RBFOX3: variants seen among roughly 807,000 people sequenced by gnomAD.
The protein encoded by RBFOX3 is RNA binding protein fox-1 homolog 3.
In RBFOX3, 17 loss-of-function variants were observed where a neutral mutation model predicts 48.7. That is an observed-to-expected ratio of 0.35 (90% CI 0.24 to 0.52). RBFOX3 has a LOEUF of 0.52. Ranked by LOEUF, RBFOX3 falls within the 20% of genes least tolerant of loss-of-function variation. The pLI is 0.94. For synonymous variants in RBFOX3, 212 were observed against 209.5 expected (o/e 1.01, Z -0.10); for missense variants, 382 against 497.5 (o/e 0.77, Z 2.21).
intron 4 of RBFOX3, among the ~76,000 whole-genome samples, chr17:79,176,190 C>G (rs1948132654): frequency 6.6e-6 from 1 of 152,238 alleles, no homozygotes; most frequent in Admixed American, 6.5e-5. Context: ...ATTCCCTGAG[C>G]TGTGCAGGGA....
chr17:79,261,701 C>T (rs965618202), intron 3 of RBFOX3, among the ~76,000 whole-genome samples: 1 of 152,164 alleles, frequency 6.6e-6, no homozygotes, highest in Admixed American at 6.5e-5. Context: ...GGCGGGTGGG[C>T]GGCAGGACCC....
chr17:79,097,877 C>T (rs1346749668), intron 9 of RBFOX3, 132 bp from the exon 10 acceptor site: 2 of 896,188 alleles, frequency 2.2e-6, no homozygotes, highest in Middle Eastern at 2.2e-4. Context: ...CGCGCCGGGC[C>T]CCCCTTTCCC....
chr17:79,167,899 GCT>G (rs1048312874), intron 4 of RBFOX3, among the ~76,000 whole-genome samples: 1 of 152,296 alleles, frequency 6.6e-6, no homozygotes, highest in Admixed American at 6.5e-5. Context: ...ACCTCCAAAG[GCT>G]CTATGGATTT....
intron 2 of RBFOX3, among the ~76,000 whole-genome samples, chr17:79,313,766 A>G (rs567351348): frequency 1.1e-4 from 16 of 152,264 alleles, no homozygotes; most frequent in Middle Eastern, 3.4e-3. Context: ...GGGCAGCAGC[A>G]TCTCTGCCTC....
chr17:79,564,010 T>C (rs959542847), intron 1 of RBFOX3, among the ~76,000 whole-genome samples: 13 of 152,318 alleles, frequency 8.5e-5, no homozygotes, highest in African/African-American at 3.1e-4. Flanking sequence ...ACCCTGCACA[T>C]TTCATGGTTT....
At chr17:79,514,467 G>T (rs957568468) in intron 1 of RBFOX3, among the ~76,000 whole-genome samples, 1 of 152,236 alleles carries the variant, frequency 6.6e-6, no homozygotes, top group African/African-American at 2.4e-5. Context: ...TCACGGGTGC[G>T]TGGCCTCACA....
At chr17:79,468,602 GGATA>G (rs774709400) in intron 2 of RBFOX3, among the ~76,000 whole-genome samples, 52 of 150,970 alleles carry the variant, frequency 3.4e-4, no homozygotes, top group Non-Finnish European at 5.5e-4. Context: ...ATGGATGGAT[GGATA>G]GATAGATAGC....
At chr17:79,096,921 G>A (rs2075377542) in intron 11 of RBFOX3, 88 bp from the exon 12 acceptor site, 2 of 609,970 alleles carry the variant, frequency 3.3e-6, no homozygotes, top group African/African-American at 1.9e-5. Flanking sequence ...CCCGACCCCA[G>A]GCAGCTGTGC....
At position 79,212,172 on chromosome 17, in the gene RBFOX3, G is replaced by A. The variant is rs938250011; in HGVS notation, c.-34+23594C>T. ...GACAGCAGAAAAATGGCCCCAGGGA[G>A]AAGGGCTGGGGTCTCTGGACTCTTC... On this transcript the variant is annotated intron_variant, in intron 4 of 14. Transcript: ENST00000693108. The surrounding 1 kb of genome is among the most constrained non-coding windows in gnomAD (Gnocchi z 4.7). 1.3e-5 allele frequency among the ~76,000 whole-genome samples: 2 copies of A among 152,222 alleles called. No homozygotes were observed. The highest frequency in any genetic ancestry group is 4.8e-5 in the African/African-American group (2 of 41,470).
intron 1 of RBFOX3, chr17:79,601,313 G>A (rs1227541160): frequency 1.3e-5 from 2 of 152,258 alleles, no homozygotes; most frequent in African/African-American, 2.4e-5. Context: ...ACCCCAGCTA[G>A]GGGCACAGGA....
At chr17:79,626,811 G>T in the RBFOX3 span, among the ~76,000 whole-genome samples, 1 of 152,330 alleles carries the variant, frequency 6.6e-6, no homozygotes, top group African/African-American at 2.4e-5. Flanking sequence ...GAGAGAAGGT[G>T]CTCGAGCCTC....
intron 4 of RBFOX3, among the ~76,000 whole-genome samples, chr17:79,222,820 C>T (rs921683424): frequency 3.3e-5 from 5 of 152,284 alleles, no homozygotes; most frequent in African/African-American, 9.6e-5. Flanking sequence ...GGCTGTGGGG[C>T]TGGAAAGAAT....
chr17:79,294,725 G>C (rs965607277), intron 3 of RBFOX3, among the ~76,000 whole-genome samples: 1 of 152,178 alleles, frequency 6.6e-6, no homozygotes, highest in East Asian at 1.9e-4. Flanking sequence ...CCGGACTGGG[G>C]GCCACGTGGA....
intron 1 of RBFOX3, among the ~76,000 whole-genome samples, chr17:79,492,643 G>A (rs925767514): frequency 6.6e-6 from 1 of 152,228 alleles, no homozygotes; most frequent in South Asian, 2.1e-4. Flanking sequence ...GCCCCTCCCA[G>A]ATTCCTGAAC....
intron 4 of RBFOX3, among the ~76,000 whole-genome samples, chr17:79,117,242 A>G (rs1276149785): frequency 6.6e-6 from 1 of 152,182 alleles, no homozygotes; most frequent in African/African-American, 2.4e-5. Flanking sequence ...GGAGCAGCCC[A>G]GTGTGTTAGG....
chr17:79,591,935 G>A (rs1457015135), intron 1 of RBFOX3, among the ~76,000 whole-genome samples: 1 of 141,908 alleles, frequency 7.0e-6, no homozygotes, highest in Non-Finnish European at 1.5e-5. Flanking sequence ...GTGGAGGGGT[G>A]TGCATGTGTT....
chr17:79,443,285 G>A lies in RBFOX3; in HGVS notation c.-175+39169C>T, dbSNP rs782294690. 6.6e-6 allele frequency among the ~76,000 whole-genome samples: 1 copy of A among 152,242 alleles called. No homozygotes were observed. The highest frequency in any genetic ancestry group is 1.5e-5 in the Non-Finnish European group (1 of 68,048). On this transcript the variant is annotated intron_variant, in intron 2 of 14. Coordinates refer to ENST00000693108, the MANE Select transcript of RBFOX3 (RefSeq NM_001350451.2). This position sits in a 1 kb window ranked among gnomAD's most constrained non-coding sequence, Gnocchi z 4.4. ...TCACCAGGCCTCTGCCACCGGCCTC[G>A]CCACGGGGGAGACCAGGCCAAGGCC...
chr17:79,359,444 C>A (rs1234763951), intron 2 of RBFOX3, among the ~76,000 whole-genome samples: 1 of 152,174 alleles, frequency 6.6e-6, no homozygotes, highest in Non-Finnish European at 1.5e-5. Flanking sequence ...CTCTCCACAT[C>A]CTCCCCCACA....
At chr17:79,524,180 TC>T (rs1256700946) in intron 1 of RBFOX3, among the ~76,000 whole-genome samples, 2 of 152,162 alleles carry the variant, frequency 1.3e-5, no homozygotes, top group African/African-American at 4.8e-5. Flanking sequence ...ATAATCCTGC[TC>T]CCCATTTGGA....
Sources: allele counts gnomAD v4.1 joint callset (sites outside exome capture counted in the v4.1 genomes callset), GRCh38; gene constraint gnomAD v4.1.1; non-coding constraint Gnocchi (gnomAD v3.1); transcripts MANE v1.5; gene names NCBI Gene and HGNC (gene_info 2026-07-23, HGNC 2026-07-21).